Variants in MKLN1 observed in about 807,000 individuals in gnomAD.
The protein encoded by MKLN1 is muskelin 1.
A neutral mutation model predicts 99.0 loss-of-function variants in MKLN1; 18 were observed. The ratio of observed to expected loss-of-function variants is 0.18; its 90% CI spans 0.13 to 0.27. MKLN1 has a LOEUF of 0.27. MKLN1 is among the 10% of genes least tolerant of loss of function. The pLI is 1.00. For synonymous variants in MKLN1, 288 were observed against 293.2 expected (o/e 0.98, Z 0.18); for missense variants, 621 against 875.9 (o/e 0.71, Z 3.67).
chr7:131,159,003 C>A (rs1796008404), intron 2 of MKLN1, among the ~76,000 whole-genome samples: 1 of 151,916 alleles, frequency 6.6e-6, no homozygotes, highest in African/African-American at 2.4e-5. Context: ...GCAGCCTGGG[C>A]AACATGGTGA....
At chr7:131,175,186 AGAT>A (rs1796278846) in intron 2 of MKLN1, among the ~76,000 whole-genome samples, 1 of 25,586 alleles carries the variant, frequency 3.9e-5, no homozygotes, top group African/African-American at 2.1e-4. Context: ...ATAGATAGAC[AGAT>A]AGATAGATAG....
chr7:131,183,588 G>A (rs1221798975), intron 2 of MKLN1, among the ~76,000 whole-genome samples: 2 of 152,098 alleles, frequency 1.3e-5, no homozygotes, highest in African/African-American at 4.8e-5. Context: ...TATGAAACAG[G>A]CTACAAATAT....
At chr7:131,247,884 T>TTTG (rs1797516808) in intron 3 of MKLN1, among the ~76,000 whole-genome samples, 1 of 152,036 alleles carries the variant, frequency 6.6e-6, no homozygotes, top group African/African-American at 2.4e-5. Context: ...TTTGTTTTGT[T>TTTG]TTGTTTTGTT....
intron 3 of MKLN1, among the ~76,000 whole-genome samples, chr7:131,268,613 G>T (rs747469090): frequency 1.2e-4 from 18 of 152,180 alleles, no homozygotes; most frequent in Non-Finnish European, 2.4e-4. Context: ...AGAGCCTGCA[G>T]ATAACTGCAC....
At chr7:131,182,977 T>G (rs150656963) in intron 2 of MKLN1, among the ~76,000 whole-genome samples, 3 of 152,326 alleles carry the variant, frequency 2.0e-5, no homozygotes, top group Non-Finnish European at 4.4e-5. Flanking sequence ...TGCTTAAATG[T>G]CAATCAAATT....
At chr7:131,153,332 T>C (rs930496503) in intron 2 of MKLN1, among the ~76,000 whole-genome samples, 1 of 152,178 alleles carries the variant, frequency 6.6e-6, no homozygotes, top group Non-Finnish European at 1.5e-5. Flanking sequence ...TTCTTATTAA[T>C]GCTTAAATTA....
At chr7:131,413,490 T>C (rs1794933859) in intron 7 of MKLN1, among the ~76,000 whole-genome samples, 1 of 152,050 alleles carries the variant, frequency 6.6e-6, no homozygotes, top group Non-Finnish European at 1.5e-5. Context: ...CTAGTTCATA[T>C]CAAGTAAGAC....
intron 4 of MKLN1, among the ~76,000 whole-genome samples, chr7:131,390,324 G>A (rs1178694861): frequency 6.6e-6 from 1 of 152,016 alleles, no homozygotes; most frequent in Admixed American, 6.5e-5. Context: ...TTAACTTTCG[G>A]TTATTTACTT....
chr7:131,430,861 G>A (rs1175789680), intron 9 of MKLN1, among the ~76,000 whole-genome samples: 3 of 152,080 alleles, frequency 2.0e-5, no homozygotes, highest in African/African-American at 7.2e-5. Context: ...ATTGGAGGTG[G>A]AGACTGCAGT....
rs149673100 is a variant in MKLN1, at chr7:131,247,872, T to TTTTTGTTTTGTTTTGTTTTG, written c.-179+44907_-179+44926dup. 3.7e-3 allele frequency among the ~76,000 whole-genome samples: 562 copies of TTTTTGTTTTGTTTTGTTTTG among 151,648 alleles called. 6 individuals are homozygous for TTTTTGTTTTGTTTTGTTTTG. Among genetic ancestry groups the TTTTTGTTTTGTTTTGTTTTG allele is most frequent in the African/African-American group, 0.011 (440 of 41,350 alleles). Reference sequence around the variant, plus strand: ...CTTTAACTTCTCTCTGCTACTGCCTTTTTTGTTTTGTTTTGTTTTGTTTTG... The same window carrying TTTTTGTTTTGTTTTGTTTTG: ...CTTTAACTTCTCTCTGCTACTGCCTTTTTTGTTTTGTTTTGTTTTGTTTTGTTTTGTTTTGTTTTGTTTTG... On this transcript the variant is annotated intron_variant, in intron 3 of 7. Coordinates refer to the MKLN1 transcript ENST00000416992.
At chr7:131,333,440 G>A (rs190557408) in intron 1 of MKLN1, among the ~76,000 whole-genome samples, 8 of 152,202 alleles carry the variant, frequency 5.3e-5, no homozygotes, top group Admixed American at 2.6e-4. Flanking sequence ...AATTGGTCCC[G>A]TGTTATTAGA....
At chr7:131,269,639 T>C (rs867240116) in intron 3 of MKLN1, among the ~76,000 whole-genome samples, 6 of 152,238 alleles carry the variant, frequency 3.9e-5, no homozygotes, top group African/African-American at 1.4e-4. Context: ...TTTTCACGGT[T>C]GTCATGACTC....
At chr7:131,202,766 A>G (rs1796750052) in intron 2 of MKLN1, 1 of 152,180 alleles carries the variant, frequency 6.6e-6, no homozygotes, top group African/African-American at 2.4e-5. Flanking sequence ...TGTGGAGATC[A>G]TGATTTCTTT....
At chr7:131,413,916 TAAATA>T (rs1214866494) in intron 7 of MKLN1, among the ~76,000 whole-genome samples, 1 of 152,188 alleles carries the variant, frequency 6.6e-6, no homozygotes, top group Non-Finnish European at 1.5e-5. Flanking sequence ...TTTGGAAGTT[TAAATA>T]AAGTTTTACT....
chr7:131,262,643 T>C (rs1046677009), intron 3 of MKLN1, among the ~76,000 whole-genome samples: 10 of 151,832 alleles, frequency 6.6e-5, no homozygotes, highest in Admixed American at 5.9e-4. Flanking sequence ...CTCCACCTCC[T>C]GGGTTCAAGC....
At chr7:131,224,060 A>C (rs11973477) in intron 3 of MKLN1, among the ~76,000 whole-genome samples, 3 of 149,534 alleles carry the variant, frequency 2.0e-5, no homozygotes, top group African/African-American at 7.3e-5. Context: ...CGCTGAACCC[A>C]CCTGCATTTG....
At chr7:131,356,062 A>G (rs1162291698) in intron 1 of MKLN1, among the ~76,000 whole-genome samples, 1 of 116,178 alleles carries the variant, frequency 8.6e-6, no homozygotes, top group African/African-American at 3.2e-5. Context: ...TAGTTCCCCT[A>G]TTTTTTTTTT....
chr7:131,380,840 T>G (rs1378607511), intron 2 of MKLN1, among the ~76,000 whole-genome samples: 1 of 152,204 alleles, frequency 6.6e-6, no homozygotes, highest in Non-Finnish European at 1.5e-5. Context: ...CCTTAAACTA[T>G]GGCAAGTATT....
intron 1 of MKLN1, among the ~76,000 whole-genome samples, chr7:131,119,190 G>A (rs959741096): frequency 1.3e-5 from 2 of 152,222 alleles, no homozygotes; most frequent in African/African-American, 4.8e-5. Context: ...GGAGAAATTG[G>A]CCAAAACAAA....
Sources: gnomAD v4.1 joint callset for allele counts (sites outside exome capture counted in the v4.1 genomes callset) on GRCh38, gnomAD v4.1.1 for gene constraint, MANE v1.5 for transcripts, NCBI Gene and HGNC (gene_info 2026-07-23, HGNC 2026-07-21) for gene names.